FANCC: variants seen among roughly 807,000 people sequenced by gnomAD.
The protein encoded by FANCC is FA complementation group C, also known as Fanconi anemia group C protein.
In FANCC, 55 loss-of-function variants were observed where a neutral mutation model predicts 71.3. The ratio of observed to expected loss-of-function variants is 0.77; its 90% CI spans 0.62 to 0.97. FANCC has a LOEUF of 0.97. Among genes scored for constraint, FANCC ranks in the 50% least tolerant of loss-of-function variants. The pLI, the probability that FANCC is intolerant of heterozygous loss-of-function variation, is 0.00. For synonymous variants in FANCC, 275 were observed against 244.9 expected, an observed-to-expected ratio of 1.12 and a Z score of -1.15; for missense variants, 678 against 670.9, an observed-to-expected ratio of 1.01 and a Z score of -0.12.
intron 4 of FANCC, among the ~76,000 whole-genome samples, chr9:95,208,241 G>A (rs1828269772): frequency 6.6e-6 from 1 of 151,702 alleles, no homozygotes; most frequent in Non-Finnish European, 1.5e-5. Flanking sequence ...GGGATCACAG[G>A]CATGCACCAC....
At chr9:95,102,342 G>A (rs1243840356) in intron 14 of FANCC, among the ~76,000 whole-genome samples, 1 of 152,190 alleles carries the variant, frequency 6.6e-6, no homozygotes, top group Non-Finnish European at 1.5e-5. Context: ...TTTTTAATAG[G>A]CCTCTAAGGT....
At chr9:95,151,287 ACTC>A in intron 6 of FANCC, among the ~76,000 whole-genome samples, 1 of 152,118 alleles carries the variant, frequency 6.6e-6, no homozygotes, top group Middle Eastern at 3.4e-3. Flanking sequence ...CCTAGGGATA[ACTC>A]CTCACACACA....
At chr9:95,145,437 C>T (rs546030193) in intron 7 of FANCC, 1 of 152,278 alleles carries the variant, frequency 6.6e-6, no homozygotes, top group East Asian at 1.9e-4. Context: ...ACAGCCTTAA[C>T]ATCATGAAAA....
intron 10 of FANCC, among the ~76,000 whole-genome samples, chr9:95,118,973 C>T (rs2072653762): frequency 6.6e-6 from 1 of 152,236 alleles, no homozygotes; most frequent in African/African-American, 2.4e-5. Context: ...GCTTGTTTAA[C>T]ATCGTAAGGC....
In FANCC at chr9:95,120,047, C is replaced by T. The variant is rs1351396066; in HGVS notation, c.997-2657G>A. Among the ~76,000 whole-genome samples, 3 of 152,126 alleles carry T rather than the reference C, an allele frequency of 2.0e-5. No individual in the cohort carries two copies. In the East Asian group the frequency reaches 5.8e-4, roughly 29 times the overall value. On this transcript the variant is annotated intron_variant, in intron 10 of 14. Coordinates refer to ENST00000289081, the MANE Select transcript of FANCC (RefSeq NM_000136.3). The stretch of plus-strand genomic sequence containing the variant: ...AAATTCTGATGAGGTCTAATTTATC[C>T]ATTTTTTCCTATGGTTAGTGCTTCT...
intron 7 of FANCC, among the ~76,000 whole-genome samples, chr9:95,136,952 G>A (rs953462016): frequency 1.3e-5 from 2 of 152,146 alleles, no homozygotes; most frequent in African/African-American, 2.4e-5. Context: ...AGCTGCCCCC[G>A]AGAGCCACCT....
At chr9:95,285,812 C>G (rs913732116) in intron 1 of FANCC, among the ~76,000 whole-genome samples, 3 of 152,080 alleles carry the variant, frequency 2.0e-5, no homozygotes, top group African/African-American at 7.2e-5. Context: ...GTGTTTATAC[C>G]CTTTCACTCA....
Position 95,129,996 on chromosome 9 carries a change from C to G in FANCC, c.844-3415G>C, listed in dbSNP as rs1039934700. Among the ~76,000 whole-genome samples, 9 of 152,246 alleles carry G rather than the reference C, an allele frequency of 5.9e-5. No homozygotes were observed. In the South Asian group the frequency reaches 1.7e-3, roughly 28 times the overall value. Reference sequence around the variant, plus strand: ...AGAAAGAAAGCCCATCTTCATCCCTCAAAACACAAGGGAAGACAAAGTCAA... The same window carrying G: ...AGAAAGAAAGCCCATCTTCATCCCTGAAAACACAAGGGAAGACAAAGTCAA... On this transcript the variant is annotated intron_variant, in intron 8 of 14. Transcript: ENST00000289081.
chr9:95,175,897 T>C (rs1310278120), intron 4 of FANCC, among the ~76,000 whole-genome samples: 1 of 152,098 alleles, frequency 6.6e-6, no homozygotes, highest in African/African-American at 2.4e-5. Context: ...AAGGGAGGAC[T>C]TGGTTTGGAA....
chr9:95,209,329 C>T (rs1032352874), intron 4 of FANCC, among the ~76,000 whole-genome samples: 1 of 152,110 alleles, frequency 6.6e-6, no homozygotes, highest in African/African-American at 2.4e-5. Flanking sequence ...TTTGCCCAAA[C>T]CCATAGAATG....
intron 1 of FANCC, among the ~76,000 whole-genome samples, chr9:95,279,745 C>T (rs1020704301): frequency 6.6e-6 from 1 of 151,964 alleles, no homozygotes; most frequent in Non-Finnish European, 1.5e-5. Flanking sequence ...GTCAAGAGTT[C>T]AAGACCAGCC....
At position 95,304,749 on chromosome 9, in the gene FANCC, CAAAAAAA is replaced by C. The variant is rs35105777; in HGVS notation, c.-79+12770_-79+12776del. On this transcript the variant is annotated intron_variant, in intron 1 of 14. Coordinates refer to ENST00000289081, the MANE Select transcript of FANCC (RefSeq NM_000136.3). ...TGGGCAACAGAGCAAGACTCTATCT[CAAAAAAA>C]AAAAAAAAAAAAAAAAAAAGGGAAA... Among the ~76,000 whole-genome samples, 37 of 44,502 alleles carry C rather than the reference CAAAAAAA, an allele frequency of 8.3e-4. 1 individual carries two copies. The highest frequency in any genetic ancestry group is 4.7e-3 in the South Asian group (4 of 854). 29.2% of individuals were successfully genotyped at this position (44,502 alleles called of 152,430 possible).
intron 11 of FANCC, 62 bp downstream of exon 11, chr9:95,117,253 T>A: frequency 6.8e-7 from 1 of 1,463,954 alleles, no homozygotes; most frequent in Non-Finnish European, 9.6e-7. Flanking sequence ...GAGGAGGTCA[T>A]AATTTGACAA....
At chr9:95,163,809 A>C (rs1830898328) in intron 6 of FANCC, among the ~76,000 whole-genome samples, 1 of 152,276 alleles carries the variant, frequency 6.6e-6, no homozygotes, top group Non-Finnish European at 1.5e-5. Context: ...AGATTGCGCC[A>C]TCGCATGCCA....
chr9:95,099,632 G>A lies in FANCC; in HGVS notation c.*2075C>T, dbSNP rs936125215. On this transcript the variant is annotated 3_prime_UTR_variant, in exon 15 of 15. Transcript: ENST00000289081. ...TTGAGCATCTCTCAGGCTGGGAAAG[G>A]GCAAAGGGCCACATGAAGCCAGCAG... 4.3e-6 allele frequency: 1 copy of A among 231,488 alleles called. No individual in the cohort carries two copies. The allele number at this position is 231,488 out of a possible 1,614,324, so 14.3% of individuals were successfully genotyped here. A position where few individuals can be genotyped will look rare whatever the true frequency, so the allele number is the denominator to read the frequency against.
chr9:95,311,685 T>C (rs1405391940), intron 1 of FANCC, among the ~76,000 whole-genome samples: 1 of 150,596 alleles, frequency 6.6e-6, no homozygotes, highest in Non-Finnish European at 1.5e-5. Context: ...CAAATTCATA[T>C]TGTTTAAATA....
intron 1 of FANCC, among the ~76,000 whole-genome samples, chr9:95,254,248 T>A (rs551651108): frequency 6.6e-6 from 1 of 152,364 alleles, no homozygotes; most frequent in Admixed American, 6.5e-5. Context: ...TGTTACTTTC[T>A]ACAATTAAAA....
intron 6 of FANCC, among the ~76,000 whole-genome samples, chr9:95,163,074 C>T (rs950935427): frequency 1.3e-5 from 2 of 152,150 alleles, no homozygotes; most frequent in Non-Finnish European, 2.9e-5. Context: ...TCAGGTCTTA[C>T]GTTTAGGTCT....
At chr9:95,310,329 T>C (rs1340434169) in intron 1 of FANCC, among the ~76,000 whole-genome samples, 26 of 150,884 alleles carry the variant, frequency 1.7e-4, no homozygotes, top group Admixed American at 1.7e-3. Context: ...TTCGTGCCAC[T>C]GCACTCCTGG....
Sources: gnomAD v4.1 joint callset for allele counts (sites outside exome capture counted in the v4.1 genomes callset) on GRCh38, gnomAD v4.1.1 for gene constraint, MANE v1.5 for transcripts, NCBI Gene and HGNC (gene_info 2026-07-23, HGNC 2026-07-21) for gene names.